RABGAP1L: variants seen among roughly 807,000 people sequenced by gnomAD.
RABGAP1L encodes the protein rab GTPase-activating protein 1-like.
In RABGAP1L, 63 loss-of-function variants were observed where a neutral mutation model predicts 137.7. That is an observed-to-expected ratio of 0.46 (90% CI 0.37 to 0.56). The LOEUF is 0.56. RABGAP1L is among the 20% of genes least tolerant of loss of function. The pLI, the probability that RABGAP1L is intolerant of heterozygous loss-of-function variation, is 0.00. For synonymous variants in RABGAP1L, 431 were observed against 433.7 expected (o/e 0.99, Z 0.08); for missense variants, 1,095 against 1,244.0 (o/e 0.88, Z 1.80).
At chr1:174,385,195 G>A (rs1686654955) in intron 12 of RABGAP1L, among the ~76,000 whole-genome samples, 1 of 152,198 alleles carries the variant, frequency 6.6e-6, no homozygotes, top group African/African-American at 2.4e-5. Flanking sequence ...GTAGCAGAGG[G>A]TGACATGTGA....
At chr1:174,208,446 G>A (rs1322182834) in intron 1 of RABGAP1L, among the ~76,000 whole-genome samples, 1 of 152,046 alleles carries the variant, frequency 6.6e-6, no homozygotes, top group Non-Finnish European at 1.5e-5. Context: ...TTTATTGGAG[G>A]AAATTCCCCT....
chr1:174,387,314 A>G (rs1299522843), intron 12 of RABGAP1L, among the ~76,000 whole-genome samples: 1 of 152,210 alleles, frequency 6.6e-6, no homozygotes, highest in Non-Finnish European at 1.5e-5. Flanking sequence ...AAAGATGAGT[A>G]AGGATAGTTT....
intron 25 of RABGAP1L, among the ~76,000 whole-genome samples, chr1:174,989,214 C>T (rs998670514): frequency 4.6e-5 from 7 of 152,190 alleles, no homozygotes; most frequent in Admixed American, 2.6e-4. Context: ...CACACATTGG[C>T]TGACACCCGT....
chr1:174,683,535 A>T lies in RABGAP1L; in HGVS notation c.1838A>T (p.Tyr613Phe). 1 of 1,602,276 alleles carries T rather than the reference A, an allele frequency of 6.2e-7. No homozygotes were observed. The highest frequency in any genetic ancestry group is 1.1e-5 in the South Asian group (1 of 90,742). The change falls in exon 15 of 26, where the codon TAT becomes TTT. Residue 613 changes from tyrosine to phenylalanine, a missense_variant. Transcript: ENST00000681986. ...LYKICKAYSV[Y>F]DEDIGYCQGQ... ...TCTTTTCTCTAGGCCTACTCTGTGT[A>T]TGATGAAGACATTGGGTACTGTCAA...
intron 13 of RABGAP1L, among the ~76,000 whole-genome samples, chr1:174,631,820 A>G (rs1673412729): frequency 6.6e-6 from 1 of 151,068 alleles, no homozygotes. Context: ...TGAATACAGC[A>G]CACTGATGGG....
In RABGAP1L at chr1:174,394,019, G is replaced by A. The variant is rs567367046; in HGVS notation, c.1584G>A (p.Pro528=). 97 of 1,613,488 alleles carry A rather than the reference G, an allele frequency of 6.0e-5. No individual in the cohort carries two copies. The highest frequency in any genetic ancestry group is 5.3e-4 in the South Asian group (48 of 90,974). The change falls in exon 13 of 26, where the codon CCG becomes CCA. Residue 528 remains proline, a synonymous_variant. Transcript: ENST00000681986. ...GGCACAGTAACCTTGGTGCACGACCGAAAGGGCTGTCTACTCTGGTGAAGA... is the reference window on the plus strand; with the variant it reads ...GGCACAGTAACCTTGGTGCACGACCAAAAGGGCTGTCTACTCTGGTGAAGA... ...GKWHSNLGAR[P]KGLSTLVKSG... is the part of the protein sequence containing the mutation.
chr1:174,588,014 C>T (rs1332365188), intron 13 of RABGAP1L, among the ~76,000 whole-genome samples: 1 of 152,026 alleles, frequency 6.6e-6, no homozygotes, highest in Non-Finnish European at 1.5e-5. Context: ...CAGGCGTGCA[C>T]AACCAGGCTT....
chr1:174,395,484 A>G (rs1297426269), intron 13 of RABGAP1L, among the ~76,000 whole-genome samples: 1 of 152,178 alleles, frequency 6.6e-6, no homozygotes, highest in Non-Finnish European at 1.5e-5. Flanking sequence ...ACAAAGATGG[A>G]CATTTTGAAA....
rs75099572 is a variant in RABGAP1L, at chr1:174,531,750, G to T, written c.1711-105625G>T. Among the ~76,000 whole-genome samples the T allele has an allele frequency of 1.3e-3, 162 of 125,554 alleles. 2 individuals carry two copies. The East Asian group carries it at 0.04, about 31-fold the overall frequency. The allele number at this position is 125,554 out of a possible 152,430, so 82.4% of individuals were successfully genotyped here. On this transcript the variant is annotated intron_variant, in intron 13 of 25. Transcript: ENST00000681986. Reference sequence around the variant, plus strand: ...TATGGTGAGATACTGTCTCGGGGGTGGGGGGGGGGAAGATATACCAAAACA... The same window carrying T: ...TATGGTGAGATACTGTCTCGGGGGTTGGGGGGGGGAAGATATACCAAAACA...
chr1:174,544,618 C>T (rs1043148879), intron 13 of RABGAP1L, among the ~76,000 whole-genome samples: 8 of 152,222 alleles, frequency 5.3e-5, no homozygotes, highest in African/African-American at 1.9e-4. Flanking sequence ...CAAAGTCATT[C>T]TCTATCCAGC....
chr1:174,436,298 A>G (rs1653290403), intron 13 of RABGAP1L, among the ~76,000 whole-genome samples: 1 of 152,220 alleles, frequency 6.6e-6, no homozygotes, highest in Non-Finnish European at 1.5e-5. Flanking sequence ...CTGTTTCTCC[A>G]CATCCTCTCC....
chr1:174,510,087 A>G (rs900680265), intron 13 of RABGAP1L, among the ~76,000 whole-genome samples: 1 of 152,198 alleles, frequency 6.6e-6, no homozygotes, highest in Non-Finnish European at 1.5e-5. Context: ...CCATTACTCT[A>G]AAAACTTCCA....
chr1:174,835,436 G>A (rs2148927272), intron 19 of RABGAP1L, among the ~76,000 whole-genome samples: 1 of 152,238 alleles, frequency 6.6e-6, no homozygotes, highest in East Asian at 1.9e-4. Context: ...ATTTCACTGA[G>A]AGGCAAATTT....
intron 1 of RABGAP1L, among the ~76,000 whole-genome samples, chr1:174,215,418 T>C (rs1169000873): frequency 6.6e-6 from 1 of 151,102 alleles, no homozygotes; most frequent in Non-Finnish European, 1.5e-5. Flanking sequence ...TGTTGCGCCA[T>C]TATATTCCAG....
intron 14 of RABGAP1L, among the ~76,000 whole-genome samples, chr1:174,640,698 A>C (rs576669193): frequency 8.5e-5 from 13 of 152,100 alleles, no homozygotes; most frequent in African/African-American, 2.9e-4. Context: ...TGCTATATGT[A>C]AATAAGGACA....
rs760239417 is a variant in RABGAP1L, at chr1:174,394,126, A to G, written c.1691A>G (p.Tyr564Cys). The change falls in exon 13 of 26, where the codon TAC becomes TGC. Residue 564 changes from tyrosine to cysteine, a missense_variant. By Grantham distance (194) the Tyr-to-Cys change is radical. Coordinates refer to ENST00000681986, the MANE Select transcript of RABGAP1L (RefSeq NM_001366446.1). The part of the protein sequence containing the change: ...CHDNQAMLDR[Y>C]RILITKDSAQ... ...GACAACCAGGCAATGCTGGATAGAT[A>G]CCGAATTCTTATCACAAAGGTAGGA... 2 of 1,613,244 alleles carry G rather than the reference A, an allele frequency of 1.2e-6. No homozygotes were observed. Among genetic ancestry groups the G allele is most frequent in the Middle Eastern group, 3.3e-4 (2 of 6,050 alleles).
chr1:174,888,876 T>G (rs935814873), intron 19 of RABGAP1L, among the ~76,000 whole-genome samples: 25 of 152,226 alleles, frequency 1.6e-4, no homozygotes, highest in Admixed American at 1.2e-3. Context: ...ACATATTTAA[T>G]GAATATATTG....
At chr1:174,191,094 C>T (rs1049771760) in intron 1 of RABGAP1L, among the ~76,000 whole-genome samples, 2 of 152,048 alleles carry the variant, frequency 1.3e-5, no homozygotes, top group Non-Finnish European at 2.9e-5. Context: ...CACAGATCAC[C>T]AGAACAGATA....
At chr1:174,982,333 G>T (rs1031575007) in intron 23 of RABGAP1L, among the ~76,000 whole-genome samples, 6 of 151,916 alleles carry the variant, frequency 3.9e-5, no homozygotes, top group African/African-American at 1.2e-4. Flanking sequence ...CCCTCCCTAT[G>T]ACCATGTGTT....
Sources: allele counts gnomAD v4.1 joint callset (sites outside exome capture counted in the v4.1 genomes callset), GRCh38; gene constraint gnomAD v4.1.1; transcripts MANE v1.5; gene names NCBI Gene and HGNC (gene_info 2026-07-23, HGNC 2026-07-21).